MATK: variants seen among roughly 807,000 people sequenced by gnomAD.
MATK encodes the protein megakaryocyte-associated tyrosine kinase.
In MATK, 41 loss-of-function variants were observed where a neutral mutation model predicts 59.8. That is an observed-to-expected ratio of 0.69 (90% confidence interval 0.53 to 0.89). The LOEUF (loss-of-function observed/expected upper bound fraction) is 0.89. MATK is among the 40% of genes least tolerant of loss of function. The pLI, the probability that MATK is intolerant of heterozygous loss-of-function variation, is 0.00. For missense variants in MATK, 593 were observed against 719.6 expected, an observed-to-expected ratio of 0.82 and a Z score of 2.01; for synonymous variants, 308 against 306.1, an observed-to-expected ratio of 1.01 and a Z score of -0.06.
chr19:3,786,197 C>T lies in MATK; in HGVS notation c.-180G>A. 1.0e-6 allele frequency: 1 copy of T among 983,856 alleles called. No homozygotes were observed. The highest frequency in any genetic ancestry group is 1.2e-6 in the Non-Finnish European group (1 of 828,640). The allele number at this position is 983,856 out of a possible 1,614,324, so 60.9% of individuals were successfully genotyped here. A position where few individuals can be genotyped will look rare whatever the true frequency, so the allele number is the denominator to read the frequency against. On this transcript the variant is annotated 5_prime_UTR_variant, in exon 1 of 14. Coordinates refer to ENST00000310132, the MANE Select transcript of MATK (RefSeq NM_139355.3). The surrounding 1 kb of genome is among the most constrained non-coding windows in gnomAD (Gnocchi z 4.1). ...CTCAGGGGGCGCCCCCGAGCCGCGCCCCGCGCCCGCCCCCAGGAGGGCCTC... is the reference window on the plus strand; with the variant it reads ...CTCAGGGGGCGCCCCCGAGCCGCGCTCCGCGCCCGCCCCCAGGAGGGCCTC...
intron 1 of MATK, 146 bp from the exon 2 acceptor site, chr19:3,785,432 T>TA: frequency 4.4e-6 from 2 of 450,732 alleles, no homozygotes; most frequent in Non-Finnish European, 8.1e-6. Flanking sequence ...GCCTCTCTGA[T>TA]CCCCCCCCAA....
intron 8 of MATK, among the ~76,000 whole-genome samples, chr19:3,780,491 C>T (rs2037384920): frequency 6.6e-6 from 1 of 151,366 alleles, no homozygotes; most frequent in Non-Finnish European, 1.5e-5. Context: ...GCAGTGGCGC[C>T]ATCTCTGCTC....
intron 3 of MATK, 62 bp downstream of exon 3, chr19:3,784,763 A>T (rs914956133): frequency 2.2e-5 from 27 of 1,221,338 alleles, no homozygotes; most frequent in Non-Finnish European, 2.7e-5. Context: ...AAGGGGTCTC[A>T]GGGTGTGGAC....
intron 1 of MATK, chr19:3,785,873 C>T (rs79747307): frequency 0.032 from 4,875 of 152,532 alleles, 182 homozygotes; most frequent in African/African-American, 0.09. Context: ...GCCGCGCACA[C>T]GCTTTTCGGC....
intron 2 of MATK, 84 bp from the exon 3 acceptor site, chr19:3,784,968 G>T: frequency 7.0e-7 from 1 of 1,433,722 alleles, no homozygotes; most frequent in Non-Finnish European, 9.8e-7. Context: ...GTCAGGTGGG[G>T]GCGATGGCTG....
chr19:3,792,733 G>A (rs1052148263), intron 1 of MATK, among the ~76,000 whole-genome samples: 4 of 152,090 alleles, frequency 2.6e-5, no homozygotes, highest in Non-Finnish European at 5.9e-5. Context: ...GGCCAGGCTG[G>A]TCTTGAACTC....
At chr19:3,781,975 C>T (rs749259857) in intron 7 of MATK, among the ~76,000 whole-genome samples, 5 of 152,166 alleles carry the variant, frequency 3.3e-5, no homozygotes, top group Non-Finnish European at 7.3e-5. Context: ...GACCCTCAGA[C>T]CCCACACTTG....
intron 1 of MATK, among the ~76,000 whole-genome samples, chr19:3,793,626 C>G (rs1414986205): frequency 6.6e-6 from 1 of 151,002 alleles, no homozygotes; most frequent in East Asian, 1.9e-4. Context: ...GGCGTGAACC[C>G]GGGAGGCAGA....
chr19:3,796,253 A>T (rs964021961), intron 1 of MATK, among the ~76,000 whole-genome samples: 11 of 152,170 alleles, frequency 7.2e-5, no homozygotes, highest in Admixed American at 5.2e-4. Context: ...TGTGCTGAAG[A>T]CAAAGCAATA....
At chr19:3,794,088 A>G (rs1275073854) in intron 1 of MATK, among the ~76,000 whole-genome samples, 2 of 151,990 alleles carry the variant, frequency 1.3e-5, no homozygotes, top group Admixed American at 1.3e-4. Flanking sequence ...GCTCTTCTCA[A>G]GGCCAGCTAC....
chr19:3,781,541 G>T, intron 8 of MATK, 66 bp downstream of exon 8: 1 of 1,540,570 alleles, frequency 6.5e-7, no homozygotes, highest in Non-Finnish European at 9.0e-7. Context: ...TCAGCTCTGT[G>T]ACTCCAAAGC....
At chr19:3,791,640 G>A (rs1171001951) in intron 1 of MATK, among the ~76,000 whole-genome samples, 1 of 148,720 alleles carries the variant, frequency 6.7e-6, no homozygotes, top group African/African-American at 2.5e-5. Flanking sequence ...ACCGCACCCA[G>A]CCTCCACCTC....
At chr19:3,798,520 T>G (rs1259577522) in intron 1 of MATK, among the ~76,000 whole-genome samples, 1 of 152,160 alleles carries the variant, frequency 6.6e-6, no homozygotes, top group Non-Finnish European at 1.5e-5. Context: ...TTTATTTTTT[T>G]TATTTTTTTG....
At chr19:3,780,302 AAAAC>A (rs1336868871) in intron 8 of MATK, among the ~76,000 whole-genome samples, 1 of 152,058 alleles carries the variant, frequency 6.6e-6, no homozygotes, top group Non-Finnish European at 1.5e-5. Context: ...ACAAAAAACA[AAAAC>A]AAAGAGAGAA....
rs147891344 is a variant in MATK at position 3,778,264 on chromosome 19, C to T, written c.1443G>A (p.Glu481=). Residue 481 remains glutamate (E), a synonymous_variant, in exon 14 of 14, where the codon GAG becomes GAA. Coordinates refer to ENST00000310132, the MANE Select transcript of MATK (RefSeq NM_139355.3). ...FRKLAEKLAR[E]LRSAGAPASV... is the part of the protein sequence containing the mutation. ...AGGCTGGGGCACCTGCACTGCGTAGCTCCCGGGCCAGCTTCTCGGCCAGTT... is the reference window on the plus strand; with the variant it reads ...AGGCTGGGGCACCTGCACTGCGTAGTTCCCGGGCCAGCTTCTCGGCCAGTT... 10 of 1,574,522 alleles carry T rather than the reference C, an allele frequency of 6.4e-6. No homozygotes were observed. Among genetic ancestry groups the T allele is most frequent in the Middle Eastern group, 3.4e-4 (2 of 5,904 alleles).
chr19:3,778,850 G>T, intron 12 of MATK, 142 bp downstream of exon 12: 2 of 944,924 alleles, frequency 2.1e-6, no homozygotes, highest in Non-Finnish European at 3.1e-6. Flanking sequence ...GGGCTACGAG[G>T]AACAATTATG....
At chr19:3,779,935 GA>G in intron 8 of MATK, 138 bp from the exon 9 acceptor site, 1 of 661,662 alleles carries the variant, frequency 1.5e-6, no homozygotes, top group Non-Finnish European at 2.7e-6. Context: ...TTGAAACACA[GA>G]CCCCATGCTC....
At chr19:3,785,408 C>A (rs1039303825) in intron 1 of MATK, 122 bp from the exon 2 acceptor site, 67 of 594,238 alleles carry the variant, frequency 1.1e-4, no homozygotes, top group Middle Eastern at 4.7e-4. Context: ...TGGGCTCCTC[C>A]GGCCACCCGC....
At chr19:3,791,270 C>T (rs2145111209), upstream of MATK, among the ~76,000 whole-genome samples, 1 of 152,192 alleles carries the variant, frequency 6.6e-6, no homozygotes, top group East Asian at 1.9e-4. Context: ...GCCTTCCATT[C>T]CCTGAGTCAG....
Sources: gnomAD v4.1 joint callset for allele counts (sites outside exome capture counted in the v4.1 genomes callset) on GRCh38, gnomAD v4.1.1 for gene constraint, Gnocchi (gnomAD v3.1) non-coding constraint, MANE v1.5 for transcripts, NCBI Gene and HGNC (gene_info 2026-07-23, HGNC 2026-07-21) for gene names.